MAGI2: variants seen among roughly 807,000 people sequenced by gnomAD.
MAGI2 encodes the protein membrane associated guanylate kinase, WW and PDZ domain containing 2.
In MAGI2, 35 loss-of-function variants were observed where a neutral mutation model predicts 133.3. That is an observed-to-expected ratio of 0.26 (90% CI 0.20 to 0.35). The LOEUF is 0.35. MAGI2 is among the 10% of genes least tolerant of loss of function. MAGI2 has a pLI of 1.00. For synonymous variants in MAGI2, 729 were observed against 710.6 expected (o/e 1.03, Z -0.41); for missense variants, 1,636 against 1,863.4 (o/e 0.88, Z 2.25).
At chr7:78,581,662 T>C (rs978233606) in intron 3 of MAGI2, among the ~76,000 whole-genome samples, 3 of 152,216 alleles carry the variant, frequency 2.0e-5, no homozygotes, top group South Asian at 2.1e-4. Flanking sequence ...AGGATTATCA[T>C]TGAAGCCCCT....
chr7:78,256,110 C>G lies in MAGI2; in HGVS notation c.1880G>C (p.Arg627Pro). The change falls in exon 10 of 22, where the codon CGG becomes CCG. Residue 627 changes from arginine to proline, a missense_variant. Arg to Pro is a moderately radical substitution (Grantham distance 103). Transcript: ENST00000354212. ...CTGAATGTCAAGTATTTGTTTCACC[C>G]GCTGTCCTGTAGGACTGTCGGCAAT... The part of the protein sequence containing the change: ...FTIADSPTGQ[R>P]VKQILDIQGC... 1.9e-6 allele frequency: 3 copies of G among 1,613,732 alleles called. No homozygotes were observed. The highest frequency in any genetic ancestry group is 2.5e-6 in the Non-Finnish European group (3 of 1,179,880).
At chr7:78,370,121 A>G (rs1470254354) in intron 6 of MAGI2, among the ~76,000 whole-genome samples, 2 of 152,064 alleles carry the variant, frequency 1.3e-5, no homozygotes, top group Non-Finnish European at 2.9e-5. Flanking sequence ...ATCACTGTAG[A>G]CAAAGCACAG....
intron 5 of MAGI2, among the ~76,000 whole-genome samples, chr7:78,496,419 A>G (rs866073728): frequency 3.3e-5 from 5 of 152,228 alleles, no homozygotes; most frequent in Non-Finnish European, 7.3e-5. Flanking sequence ...GTCACTAACT[A>G]AACTGACTCC....
intron 4 of MAGI2, among the ~76,000 whole-genome samples, chr7:78,506,959 T>C (rs538473273): frequency 1.3e-5 from 2 of 152,342 alleles, no homozygotes; most frequent in Non-Finnish European, 2.9e-5. Context: ...TCTATAATCA[T>C]ATTTGTTGAT....
chr7:78,344,695 T>C (rs1363833722), intron 8 of MAGI2, among the ~76,000 whole-genome samples: 1 of 152,214 alleles, frequency 6.6e-6, no homozygotes, highest in East Asian at 1.9e-4. Flanking sequence ...TGTTTTTAGA[T>C]ATAATTATGA....
At chr7:78,391,607 A>G (rs1219813776) in intron 6 of MAGI2, among the ~76,000 whole-genome samples, 1 of 152,200 alleles carries the variant, frequency 6.6e-6, no homozygotes, top group Non-Finnish European at 1.5e-5. Flanking sequence ...AATTAATTTT[A>G]CCCAATTAAT....
chr7:78,988,727 A>G (rs1458684671), intron 2 of MAGI2, among the ~76,000 whole-genome samples: 3 of 152,016 alleles, frequency 2.0e-5, no homozygotes, highest in African/African-American at 7.2e-5. Context: ...CCATAATTAC[A>G]ATGAACTGAC....
At chr7:78,553,051 G>T (rs1563159796) in intron 3 of MAGI2, among the ~76,000 whole-genome samples, 2 of 146,548 alleles carry the variant, frequency 1.4e-5, no homozygotes. Context: ...GTAAGAGGCA[G>T]AGAAGGAAAA....
At chr7:78,037,184 A>G (rs757583) in intron 21 of MAGI2, among the ~76,000 whole-genome samples, 18,027 of 151,836 alleles carry the variant, frequency 0.12, 1,238 homozygotes, top group South Asian at 0.18. Context: ...CTCTGGGTGT[A>G]CCTAGCGCAA....
chr7:78,947,785 T>G (rs1323535059), intron 2 of MAGI2, among the ~76,000 whole-genome samples: 5 of 152,102 alleles, frequency 3.3e-5, no homozygotes, highest in Non-Finnish European at 7.4e-5. Context: ...CACACATTAT[T>G]TTTAAAATCA....
intron 21 of MAGI2, among the ~76,000 whole-genome samples, chr7:78,054,854 C>A (rs551176812): frequency 1.3e-5 from 2 of 152,022 alleles, no homozygotes; most frequent in Non-Finnish European, 2.9e-5. Context: ...GGTCCCACTA[C>A]GTTGGCCAGG....
At chr7:78,526,677 A>G (rs1331051669) in intron 3 of MAGI2, among the ~76,000 whole-genome samples, 6 of 152,320 alleles carry the variant, frequency 3.9e-5, no homozygotes, top group Admixed American at 1.3e-4. Flanking sequence ...AGGTGGGGCT[A>G]TGAAAATGTG....
At chr7:78,902,707 T>A (rs1168567576) in intron 2 of MAGI2, 1 of 152,168 alleles carries the variant, frequency 6.6e-6, no homozygotes, top group Non-Finnish European at 1.5e-5. Flanking sequence ...TCCTTTTACC[T>A]GGCAGGGATA....
At chr7:79,048,750 G>A (rs1053008799) in intron 1 of MAGI2, among the ~76,000 whole-genome samples, 4 of 152,042 alleles carry the variant, frequency 2.6e-5, no homozygotes, top group Non-Finnish European at 5.9e-5. Flanking sequence ...AAGGTGGGCC[G>A]ATCACTTGAG....
rs544001348 is a variant in MAGI2 at position 79,237,117 on chromosome 7, A to T, written c.301+215903T>A. Among the ~76,000 whole-genome samples the T allele has an allele frequency of 1.2e-4, 18 of 152,342 alleles. No individual in the cohort carries two copies. The East Asian group carries it at 2.7e-3, about 23-fold the overall frequency. On this transcript the variant is annotated intron_variant, in intron 1 of 21. Transcript: ENST00000354212. ...AAATAGTATGAGAAAGTAGATCAGA[A>T]TTACAGACTTGCTACTACTAATAAT...
chr7:79,067,568 C>A (rs771112965), intron 1 of MAGI2, among the ~76,000 whole-genome samples: 8 of 152,120 alleles, frequency 5.3e-5, no homozygotes, highest in Non-Finnish European at 8.8e-5. Context: ...AATTTGACTT[C>A]CTCTTTTCCT....
intron 1 of MAGI2, among the ~76,000 whole-genome samples, chr7:79,273,650 T>A (rs996066925): frequency 4.6e-5 from 5 of 108,290 alleles, no homozygotes; most frequent in African/African-American, 1.4e-4. Context: ...GATGGTGGGG[T>A]GTTCGATTGT....
At chr7:78,183,976 A>C (rs34451737) in intron 13 of MAGI2, among the ~76,000 whole-genome samples, 41,714 of 152,042 alleles carry the variant, frequency 0.27, 6,288 homozygotes, top group South Asian at 0.36. Context: ...TGTGAATTGC[A>C]CAGTAACGTA....
chr7:78,095,653 G>T (rs937550499), intron 20 of MAGI2, among the ~76,000 whole-genome samples: 1 of 152,150 alleles, frequency 6.6e-6, no homozygotes, highest in African/African-American at 2.4e-5. Context: ...GGGCATATAT[G>T]ATACCTTTTT....
Sources: gnomAD v4.1 joint callset for allele counts (sites outside exome capture counted in the v4.1 genomes callset) on GRCh38, gnomAD v4.1.1 for gene constraint, MANE v1.5 for transcripts, NCBI Gene and HGNC (gene_info 2026-07-23, HGNC 2026-07-21) for gene names.